Variants in FSHR observed in about 807,000 individuals in gnomAD.
The protein encoded by FSHR is follicle-stimulating hormone receptor.
A neutral mutation model predicts 52.1 loss-of-function variants in FSHR; 46 were observed. The observed-to-expected ratio is 0.88, with a 90% CI of 0.70 to 1.13. The LOEUF is 1.13. FSHR is among the 50% of genes most tolerant of loss of function. FSHR has a pLI of 0.00. For synonymous variants in FSHR, 399 were observed against 309.6 expected, an observed-to-expected ratio of 1.29 and a Z score of -3.03; for missense variants, 964 against 834.6, an observed-to-expected ratio of 1.16 and a Z score of -1.91.
chr2:49,042,454 G>A (rs1288606858), intron 2 of FSHR, among the ~76,000 whole-genome samples: 1 of 152,190 alleles, frequency 6.6e-6, no homozygotes, highest in Admixed American at 6.5e-5. Context: ...AGTCTCACAA[G>A]GGGCAGGGAA....
chr2:49,140,109 C>T (rs549229556), intron 1 of FSHR, among the ~76,000 whole-genome samples: 4 of 152,162 alleles, frequency 2.6e-5, no homozygotes, highest in South Asian at 2.1e-4. Flanking sequence ...TCACATCTGA[C>T]GTAGTTTGGA....
At chr2:49,087,582 G>A (rs967308804) in intron 1 of FSHR, among the ~76,000 whole-genome samples, 27 of 152,132 alleles carry the variant, frequency 1.8e-4, no homozygotes, top group African/African-American at 6.5e-4. Flanking sequence ...ATAAAAGCAT[G>A]TATAGTCATG....
intron 1 of FSHR, among the ~76,000 whole-genome samples, chr2:49,074,414 A>G (rs1313844774): frequency 2.6e-5 from 4 of 152,128 alleles, no homozygotes; most frequent in Non-Finnish European, 5.9e-5. Context: ...CAACAAATAC[A>G]TAAAACAGGT....
intron 1 of FSHR, among the ~76,000 whole-genome samples, chr2:49,142,123 T>C (rs1007468078): frequency 3.3e-5 from 5 of 152,218 alleles, no homozygotes; most frequent in African/African-American, 1.2e-4. Flanking sequence ...AACTCATATA[T>C]GTATTGAGTG....
At position 49,140,427 on chromosome 2, in the gene FSHR, A is replaced by G. The variant is rs139546096; in HGVS notation, c.152+13839T>C. 3.1e-3 allele frequency among the ~76,000 whole-genome samples: 479 copies of G among 152,294 alleles called. 1 individual carries two copies. The highest frequency in any genetic ancestry group is 0.017 in the Middle Eastern group (5 of 294). On this transcript the variant is annotated intron_variant, in intron 1 of 9. Coordinates refer to ENST00000406846, the MANE Select transcript of FSHR (RefSeq NM_000145.4). Reference sequence around the variant, plus strand: ...GAGGTCTCCCCAGAAACTGAGTGATATCAGCTCTATGCTTTCTGCACAGCC... The same window carrying G: ...GAGGTCTCCCCAGAAACTGAGTGATGTCAGCTCTATGCTTTCTGCACAGCC...
intron 6 of FSHR, among the ~76,000 whole-genome samples, chr2:48,985,597 C>G (rs1675466211): frequency 6.6e-6 from 1 of 150,592 alleles, no homozygotes; most frequent in Non-Finnish European, 1.5e-5. Flanking sequence ...AGGCTAGTGT[C>G]TGATAATCTT....
At chr2:48,971,860 TTTC>T (rs1295405955) in intron 8 of FSHR, among the ~76,000 whole-genome samples, 5 of 152,144 alleles carry the variant, frequency 3.3e-5, no homozygotes, top group African/African-American at 1.2e-4. Flanking sequence ...TCGCTGAAAG[TTTC>T]TTCTTATTTG....
chr2:48,999,044 G>C (rs1050924900), intron 4 of FSHR, among the ~76,000 whole-genome samples: 3 of 151,936 alleles, frequency 2.0e-5, no homozygotes, highest in African/African-American at 7.3e-5. Context: ...TCGCTGATGG[G>C]GTGAGGAATC....
At chr2:48,989,740 C>T (rs1675687416) in intron 5 of FSHR, among the ~76,000 whole-genome samples, 1 of 152,164 alleles carries the variant, frequency 6.6e-6, no homozygotes, top group South Asian at 2.1e-4. Context: ...TGCCTGTTCT[C>T]CTTGGGTCTC....
chr2:49,092,190 T>C (rs1041574856), intron 1 of FSHR, among the ~76,000 whole-genome samples: 7 of 152,210 alleles, frequency 4.6e-5, no homozygotes, highest in Non-Finnish European at 8.8e-5. Flanking sequence ...AAATTACAAA[T>C]AAAAAGAATT....
At chr2:49,057,093 C>T (rs1270603560) in intron 2 of FSHR, among the ~76,000 whole-genome samples, 1 of 151,872 alleles carries the variant, frequency 6.6e-6, no homozygotes, top group East Asian at 1.9e-4. Flanking sequence ...CCAATTAACA[C>T]TGCAACTCAA....
At chr2:49,075,558 G>C (rs1013150531) in intron 1 of FSHR, among the ~76,000 whole-genome samples, 10 of 152,070 alleles carry the variant, frequency 6.6e-5, no homozygotes, top group Admixed American at 2.0e-4. Context: ...CAAACAATTA[G>C]AGGCATGAAA....
intron 1 of FSHR, among the ~76,000 whole-genome samples, chr2:49,132,986 A>AAAAAAAAG (rs1558459912): frequency 1.3e-5 from 2 of 149,596 alleles, no homozygotes; most frequent in African/African-American, 5.0e-5. Flanking sequence ...AAAAAAAAAA[A>AAAAAAAAG]AAAAAAAAAG....
chr2:49,022,785 T>C (rs531001300), intron 2 of FSHR, among the ~76,000 whole-genome samples: 57 of 152,308 alleles, frequency 3.7e-4, no homozygotes, highest in Admixed American at 3.1e-3. Flanking sequence ...TCCAGAACAG[T>C]GCAAGGTGCC....
At chr2:49,075,422 T>C (rs1320261444) in intron 1 of FSHR, among the ~76,000 whole-genome samples, 3 of 148,802 alleles carry the variant, frequency 2.0e-5, no homozygotes, top group Non-Finnish European at 4.5e-5. Flanking sequence ...AGAATAAAAA[T>C]TCATTAAAAA....
intron 2 of FSHR, among the ~76,000 whole-genome samples, chr2:49,036,176 G>C (rs933321180): frequency 2.0e-5 from 3 of 151,968 alleles, no homozygotes; most frequent in Non-Finnish European, 4.4e-5. Flanking sequence ...TATACTTCAG[G>C]GACACTCCCA....
chr2:49,131,024 T>G (rs766143347), intron 1 of FSHR, among the ~76,000 whole-genome samples: 1 of 152,128 alleles, frequency 6.6e-6, no homozygotes, highest in Non-Finnish European at 1.5e-5. Flanking sequence ...ACCATAATGA[T>G]TATTGGAAGG....
Position 48,968,777 on chromosome 2 carries a change from C to T in FSHR, c.775G>A (p.Glu259Lys), listed in dbSNP as rs755098481. 6.2e-7 allele frequency: 1 copy of T among 1,614,106 alleles called. No homozygotes were observed. Among genetic ancestry groups the T allele is most frequent in the Non-Finnish European group, 8.5e-7 (1 of 1,180,000 alleles). The change falls in exon 9 of 10, where the codon GAA (glutamate) becomes AAA (lysine). Residue 259 changes from glutamate to lysine, a missense_variant. Transcript: ENST00000406846. The stretch of plus-strand genomic sequence containing the variant: ...GCTTCCATGAGGGCGACAAGCTTTT[C>T]CAGAGTAGGCAGCTTTTTTAAGTTG... Reference protein sequence around the residue: ...TYNLKKLPTLEKLVALMEASL... With the variant: ...TYNLKKLPTLKKLVALMEASL...
chr2:48,966,666 A>ATT (rs1242118344), intron 9 of FSHR, among the ~76,000 whole-genome samples: 1 of 152,232 alleles, frequency 6.6e-6, no homozygotes, highest in Non-Finnish European at 1.5e-5. Flanking sequence ...AAATGTCACT[A>ATT]TTGAAGGAAT....
Sources: gnomAD v4.1 joint callset for allele counts (sites outside exome capture counted in the v4.1 genomes callset) on GRCh38, gnomAD v4.1.1 for gene constraint, MANE v1.5 for transcripts, NCBI Gene and HGNC (gene_info 2026-07-23, HGNC 2026-07-21) for gene names.